Variants in ARSB observed in about 807,000 individuals in gnomAD.
ARSB encodes arylsulfatase B, also known as N-acetylgalactosamine-4-sulfatase.
Under a neutral mutation model 50.9 loss-of-function variants are expected in ARSB, and 41 were observed. The observed-to-expected ratio is 0.81, with a 90% CI of 0.63 to 1.04. The LOEUF is 1.04. Ranked by LOEUF, ARSB falls within the 50% of genes least tolerant of loss-of-function variation. The pLI is 0.00. For synonymous variants in ARSB, 269 were observed against 284.8 expected, an observed-to-expected ratio of 0.94 and a Z score of 0.56; for missense variants, 672 against 693.3, an observed-to-expected ratio of 0.97 and a Z score of 0.35.
chr5:78,920,072 C>G (rs1300301608), intron 4 of ARSB, among the ~76,000 whole-genome samples: 2 of 152,130 alleles, frequency 1.3e-5, no homozygotes, highest in Non-Finnish European at 2.9e-5. Context: ...ATCCAAACCC[C>G]CAAGAGATAG....
At chr5:78,950,990 T>C (rs2112470280) in intron 4 of ARSB, among the ~76,000 whole-genome samples, 2 of 152,258 alleles carry the variant, frequency 1.3e-5, no homozygotes, top group Middle Eastern at 6.8e-3. Context: ...GAAAATGAGA[T>C]GCAAAAAGAC....
chr5:78,968,561 G>C (rs1752310389), intron 2 of ARSB, among the ~76,000 whole-genome samples: 1 of 151,998 alleles, frequency 6.6e-6, no homozygotes, highest in Admixed American at 6.6e-5. Flanking sequence ...GTGTTAGTCA[G>C]GATGGTCTCC....
intron 4 of ARSB, among the ~76,000 whole-genome samples, chr5:78,942,461 C>T (rs1750985877): frequency 6.6e-6 from 1 of 152,100 alleles, no homozygotes; most frequent in African/African-American, 2.4e-5. Flanking sequence ...TGAATGTGTC[C>T]CAGAGATTCT....
chr5:78,954,629 C>T (rs1444888093), intron 4 of ARSB, among the ~76,000 whole-genome samples: 5 of 152,072 alleles, frequency 3.3e-5, no homozygotes, highest in Non-Finnish European at 7.4e-5. Context: ...CTCAGCCTCC[C>T]GAGTAGCTGG....
chr5:78,824,292 A>G (rs1009924331), intron 6 of ARSB, among the ~76,000 whole-genome samples: 4 of 152,260 alleles, frequency 2.6e-5, no homozygotes, highest in Admixed American at 1.3e-4. Context: ...CTGAAATTCA[A>G]GGTCTTACAT....
intron 7 of ARSB, 133 bp downstream of exon 7, chr5:78,781,719 G>A (rs1748930530): frequency 7.5e-7 from 1 of 1,341,582 alleles, no homozygotes; most frequent in Non-Finnish European, 1.1e-6. Context: ...GAGTGATAAT[G>A]TCCTCTCTTT....
At chr5:78,961,333 G>C (rs1716351436) in intron 3 of ARSB, among the ~76,000 whole-genome samples, 1 of 152,178 alleles carries the variant, frequency 6.6e-6, no homozygotes, top group South Asian at 2.1e-4. Context: ...GTTACAGCTT[G>C]ACTATTGATT....
chr5:78,972,373 T>C lies in ARSB; in HGVS notation c.313-3181A>G, dbSNP rs186538019. On this transcript the variant is annotated intron_variant, in intron 1 of 7. Transcript: ENST00000264914. Reference sequence around the variant, plus strand: ...GCATTTTGCCCCACACATTCACACCTTTTAAAATGGTCCCTTTGTAAATAA... The same window carrying C: ...GCATTTTGCCCCACACATTCACACCCTTTAAAATGGTCCCTTTGTAAATAA... Among the ~76,000 whole-genome samples, 3 of 152,270 alleles carry C rather than the reference T, an allele frequency of 2.0e-5. 1 individual carries two copies. The highest frequency in any genetic ancestry group is 2.0e-4 in the Admixed American group (3 of 15,292).
chr5:78,958,441 A>G (rs1247964051), intron 3 of ARSB, among the ~76,000 whole-genome samples: 5 of 152,210 alleles, frequency 3.3e-5, no homozygotes, highest in Non-Finnish European at 7.3e-5. Flanking sequence ...CAGGGAAAAA[A>G]AGATTTGGGG....
rs1265876575 is a variant in ARSB at position 78,981,076 on chromosome 5, A to G, written c.312+3861T>C. Among the ~76,000 whole-genome samples the G allele has an allele frequency of 1.5e-4, 5 of 32,346 alleles. 2 individuals are homozygous for G. The highest frequency in any genetic ancestry group is 2.5e-4 in the Non-Finnish European group (5 of 19,960). 21.2% of individuals were successfully genotyped at this position (32,346 alleles called of 152,430 possible). Reference sequence around the variant, plus strand: ...CGCCATTCTCCTGCCTCAGCCTCCCAAGTAGCTGGGACTACAGGCGCCCGC... The same window carrying G: ...CGCCATTCTCCTGCCTCAGCCTCCCGAGTAGCTGGGACTACAGGCGCCCGC... On this transcript the variant is annotated intron_variant, in intron 1 of 7. Transcript: ENST00000264914.
intron 2 of ARSB, among the ~76,000 whole-genome samples, chr5:78,968,347 T>C (rs1453052450): frequency 8.7e-6 from 1 of 114,958 alleles, no homozygotes; most frequent in Non-Finnish European, 1.8e-5. Context: ...TTATTATTAT[T>C]ATTATTATTA....
chr5:78,907,052 C>T (rs746961879), intron 4 of ARSB, among the ~76,000 whole-genome samples: 3 of 152,044 alleles, frequency 2.0e-5, no homozygotes, highest in Non-Finnish European at 4.4e-5. Context: ...GAAAGCATAG[C>T]CTATGTGAAA....
chr5:78,982,542 C>T (rs1282367535), intron 1 of ARSB, among the ~76,000 whole-genome samples: 3 of 152,204 alleles, frequency 2.0e-5, no homozygotes, highest in Non-Finnish European at 4.4e-5. Context: ...CCTAGGGCCA[C>T]GTGCCCTGGG....
rs1208809130 is a variant in ARSB at position 78,857,260 on chromosome 5, A to C, written c.1143-17834T>G. On this transcript the variant is annotated intron_variant, in intron 5 of 7. Coordinates refer to ENST00000264914, the MANE Select transcript of ARSB (RefSeq NM_000046.5). ...TAAGACATTTTATGATGTTCTCTCC[A>C]ATATGAGAGTCTCTTTTTGGAAAAA... is the stretch of plus-strand genomic sequence containing the variant. 4.6e-5 allele frequency among the ~76,000 whole-genome samples: 7 copies of C among 152,216 alleles called. No individual in the cohort carries two copies. In the East Asian group the frequency reaches 1.3e-3, roughly 29 times the overall value.
At chr5:78,900,093 A>G (rs1748735417) in intron 4 of ARSB, among the ~76,000 whole-genome samples, 1 of 152,142 alleles carries the variant, frequency 6.6e-6, no homozygotes, top group Non-Finnish European at 1.5e-5. Flanking sequence ...GAGTCACCAA[A>G]GGGATTATCC....
At position 78,780,087 on chromosome 5, in the gene ARSB, T is replaced by C. The variant is rs1748880330; in HGVS notation, c.*310A>G. On this transcript the variant is annotated 3_prime_UTR_variant, in exon 8 of 8. Coordinates refer to ENST00000264914, the MANE Select transcript of ARSB (RefSeq NM_000046.5). ...CTTGTGAGTCTAAAAGAGCCAGCTG[T>C]TCCAGCCTCCAGGATTCAGTGAGAA... The C allele has an allele frequency of 2.6e-6, 1 of 382,376 alleles. No individual in the cohort carries two copies. Among genetic ancestry groups the C allele is most frequent in the African/African-American group, 2.1e-5 (1 of 48,680 alleles). The allele number at this position is 382,376 out of a possible 1,614,324, so 23.7% of individuals were successfully genotyped here. A position where few individuals can be genotyped will look rare whatever the true frequency, so the allele number is the denominator to read the frequency against.
intron 6 of ARSB, among the ~76,000 whole-genome samples, chr5:78,821,998 C>T (rs1397790570): frequency 6.6e-6 from 1 of 152,142 alleles, no homozygotes; most frequent in Non-Finnish European, 1.5e-5. Context: ...ATTTGTTTGT[C>T]ATTTTTCTCC....
intron 5 of ARSB, chr5:78,884,294 T>G (rs1214185087): frequency 6.6e-6 from 1 of 152,142 alleles, no homozygotes; most frequent in Non-Finnish European, 1.5e-5. Flanking sequence ...AAAAGAATAC[T>G]TATGCACCTT....
chr5:78,797,663 G>A (rs1743232954), intron 6 of ARSB, among the ~76,000 whole-genome samples: 1 of 152,156 alleles, frequency 6.6e-6, no homozygotes, highest in African/African-American at 2.4e-5. Context: ...GCCCCCGTGA[G>A]CCATCCTGCT....
Sources: allele counts gnomAD v4.1 joint callset (sites outside exome capture counted in the v4.1 genomes callset), GRCh38; gene constraint gnomAD v4.1.1; transcripts MANE v1.5; gene names NCBI Gene and HGNC (gene_info 2026-07-23, HGNC 2026-07-21).